The following DIAPH2 variants were observed in gnomAD, a reference collection of about 807,000 sequenced individuals.
DIAPH2 encodes protein diaphanous homolog 2.
Under a neutral mutation model 92.7 loss-of-function variants are expected in DIAPH2, and 35 were observed. That is an observed-to-expected ratio of 0.38 (90% confidence interval 0.29 to 0.50). DIAPH2 has a LOEUF of 0.50. Among genes scored for constraint, DIAPH2 ranks in the 20% least tolerant of loss-of-function variants. The pLI is 0.94. For missense variants in DIAPH2, 701 were observed against 819.5 expected, an observed-to-expected ratio of 0.86 and a Z score of 1.77; for synonymous variants, 301 against 280.4, an observed-to-expected ratio of 1.07 and a Z score of -0.73.
At chrX:97,591,411 A>C (rs1453063432) in intron 26 of DIAPH2, among the ~76,000 whole-genome samples, 1 of 112,464 alleles carries the variant, frequency 8.9e-6, no homozygotes, top group Non-Finnish European at 1.9e-5. Context: ...CAGATAGCTT[A>C]TGCAGTAACA....
chrX:96,765,349 C>G (rs2147607368), intron 4 of DIAPH2, among the ~76,000 whole-genome samples: 1 of 109,145 alleles, frequency 9.2e-6, no homozygotes, highest in African/African-American at 3.3e-5. Flanking sequence ...AGGTGTGCAC[C>G]ACCATGCCCA....
At chrX:96,691,250 C>T (rs1341499255) in intron 1 of DIAPH2, among the ~76,000 whole-genome samples, 2 of 111,326 alleles carry the variant, frequency 1.8e-5, no homozygotes, top group East Asian at 5.7e-4. Flanking sequence ...AAACCGGTTC[C>T]TTCTGCTGGA....
chrX:97,070,938 G>A (rs924456235), intron 17 of DIAPH2, among the ~76,000 whole-genome samples: 1 of 111,595 alleles, frequency 9.0e-6, no homozygotes, highest in Admixed American at 9.5e-5. Flanking sequence ...CTATTCCTGG[G>A]TTAGTCAGGA....
At chrX:97,128,348 G>T (rs750103337) in intron 21 of DIAPH2, among the ~76,000 whole-genome samples, 1 of 110,995 alleles carries the variant, frequency 9.0e-6, no homozygotes, top group African/African-American at 3.3e-5. Flanking sequence ...CGCCATTTTG[G>T]TTTTGGTGGG....
At chrX:97,542,635 A>C (rs1409608377) in intron 26 of DIAPH2, among the ~76,000 whole-genome samples, 2 of 111,779 alleles carry the variant, frequency 1.8e-5, no homozygotes, top group Non-Finnish European at 3.8e-5. Flanking sequence ...TTTTAGGTTC[A>C]AAGCTGATGG....
chrX:97,077,794 A>G (rs947722999), intron 19 of DIAPH2, among the ~76,000 whole-genome samples: 5 of 112,503 alleles, frequency 4.4e-5, no homozygotes, highest in African/African-American at 1.6e-4. Flanking sequence ...TCTAAATTTA[A>G]GCTAGAAAAT....
chrX:96,732,664 A>G (rs977927648), intron 1 of DIAPH2, among the ~76,000 whole-genome samples: 3 of 111,982 alleles, frequency 2.7e-5, no homozygotes, highest in African/African-American at 9.7e-5. Flanking sequence ...CGGGTACTCT[A>G]TCATTCTTGT....
chrX:96,901,380 C>G (rs2065392920), intron 5 of DIAPH2, among the ~76,000 whole-genome samples: 1 of 106,838 alleles, frequency 9.4e-6, no homozygotes, highest in South Asian at 4.1e-4. Flanking sequence ...CGCTAATAGT[C>G]TATCAATTTT....
At chrX:97,400,625 C>T (rs1189655397) in intron 25 of DIAPH2, among the ~76,000 whole-genome samples, 1 of 111,401 alleles carries the variant, frequency 9.0e-6, no homozygotes, top group Non-Finnish European at 1.9e-5. Context: ...GTCTCCAGAA[C>T]TTATTCATCC....
intron 20 of DIAPH2, among the ~76,000 whole-genome samples, chrX:97,104,525 T>C (rs922128874): frequency 1.8e-5 from 2 of 110,079 alleles, no homozygotes; most frequent in Admixed American, 2.0e-4. Context: ...AGTAGCAAGT[T>C]CCACCATGCC....
intron 23 of DIAPH2, among the ~76,000 whole-genome samples, chrX:97,266,347 TATG>T (rs780847807): frequency 1.1e-3 from 127 of 112,299 alleles, no homozygotes; most frequent in Middle Eastern, 4.6e-3. Context: ...TGCAAATTAT[TATG>T]TTTCATAAGG....
At position 97,248,809 on chromosome X, in the gene DIAPH2, T is replaced by C. The variant is rs924377623; in HGVS notation, c.2844+970T>C. Among the ~76,000 whole-genome samples the C allele has an allele frequency of 2.7e-5, 3 of 112,029 alleles. No homozygotes were observed. The South Asian group carries it at 1.1e-3, about 41-fold the overall frequency. ...TTGCCCAACTTGGAAGTTACAGTGC[T>C]GAACTCGAATTACTTAAGAATGGCA... On this transcript the variant is annotated intron_variant, in intron 23 of 26. Transcript: ENST00000324765.
At chrX:97,223,689 T>A (rs1267934404) in intron 22 of DIAPH2, among the ~76,000 whole-genome samples, 1 of 111,687 alleles carries the variant, frequency 9.0e-6, no homozygotes, top group Non-Finnish European at 1.9e-5. Context: ...TATTGTGTAG[T>A]AAAGCTTGTA....
chrX:97,500,800 A>C (rs960898026), intron 26 of DIAPH2, among the ~76,000 whole-genome samples: 1 of 75,498 alleles, frequency 1.3e-5, no homozygotes, highest in Non-Finnish European at 2.6e-5. Flanking sequence ...ATATATATAT[A>C]TATCCTTGCA....
At chrX:97,210,196 ATAT>A (rs772671651) in intron 22 of DIAPH2, among the ~76,000 whole-genome samples, 1 of 111,981 alleles carries the variant, frequency 8.9e-6, no homozygotes, top group South Asian at 3.7e-4. Flanking sequence ...ATGTTTCAAG[ATAT>A]TATTTGACCT....
chrX:97,489,884 T>C (rs1157107834), intron 26 of DIAPH2, among the ~76,000 whole-genome samples: 2 of 111,993 alleles, frequency 1.8e-5, no homozygotes, highest in African/African-American at 6.5e-5. Flanking sequence ...TCGAAGATAC[T>C]GGTCTGTAGT....
At chrX:97,359,275 T>C (rs1408982011) in intron 24 of DIAPH2, among the ~76,000 whole-genome samples, 2 of 112,001 alleles carry the variant, frequency 1.8e-5, no homozygotes, top group Non-Finnish European at 3.8e-5. Flanking sequence ...TGTTGTTCTC[T>C]GCTGTGCACT....
chrX:97,089,818 C>T (rs755251445), intron 19 of DIAPH2, among the ~76,000 whole-genome samples: 1 of 110,770 alleles, frequency 9.0e-6, no homozygotes, highest in Non-Finnish European at 1.9e-5. Flanking sequence ...AGCTCTGCCT[C>T]CTGGGTTCAC....
chrX:97,382,544 G>T (rs1048030536), intron 24 of DIAPH2, among the ~76,000 whole-genome samples: 5 of 112,066 alleles, frequency 4.5e-5, no homozygotes, highest in Admixed American at 2.8e-4. Context: ...AGTGACAGTC[G>T]TGCTGAGGTT....
Sources: allele counts gnomAD v4.1 joint callset (sites outside exome capture counted in the v4.1 genomes callset), GRCh38; gene constraint gnomAD v4.1.1; transcripts MANE v1.5; gene names NCBI Gene and HGNC (gene_info 2026-07-23, HGNC 2026-07-21).